Variants in SEPHS1 observed in about 807,000 individuals in gnomAD.
The protein encoded by SEPHS1 is selenophosphate synthetase 1.
In SEPHS1, 7 loss-of-function variants were observed where a neutral mutation model predicts 39.2. The observed-to-expected ratio is 0.18, with a 90% CI of 0.10 to 0.34. SEPHS1 has a LOEUF of 0.34. Among genes scored for constraint, SEPHS1 ranks in the 10% least tolerant of loss-of-function variants. The pLI is 1.00. For synonymous variants in SEPHS1, 190 were observed against 195.5 expected, an observed-to-expected ratio of 0.97 and a Z score of 0.23; for missense variants, 253 against 514.5, an observed-to-expected ratio of 0.49 and a Z score of 4.92.
At position 13,335,496 on chromosome 10, in the gene SEPHS1, T is replaced by G. The variant is rs558832053; in HGVS notation, c.405+747A>C. 1.3e-3 allele frequency among the ~76,000 whole-genome samples: 191 copies of G among 151,788 alleles called. 2 individuals carry two copies. Among genetic ancestry groups the G allele is most frequent in the Middle Eastern group, 6.8e-3 (2 of 294 alleles). ...CTGACCAACATGGTGAAACCCCATC[T>G]CTACTGAAAATATAAAAATTAGCTG... is the stretch of plus-strand genomic sequence containing the variant. On this transcript the variant is annotated intron_variant, in intron 4 of 8. Coordinates refer to ENST00000327347, the MANE Select transcript of SEPHS1 (RefSeq NM_012247.5).
chr10:13,341,137 C>T (rs1215351556), intron 2 of SEPHS1, among the ~76,000 whole-genome samples: 2 of 152,000 alleles, frequency 1.3e-5, no homozygotes, highest in Non-Finnish European at 2.9e-5. Context: ...CAGCACTGGT[C>T]TACAGTGATT....
In SEPHS1 at chr10:13,323,053, A is replaced by G; in HGVS notation, c.752-6T>C. 1 of 1,612,890 alleles carries G rather than the reference A, an allele frequency of 6.2e-7. No homozygotes were observed. The highest frequency in any genetic ancestry group is 8.5e-7 in the Non-Finnish European group (1 of 1,179,416). On this transcript the variant is annotated splice_polypyrimidine_tract_variant and splice_region_variant and intron_variant, in intron 7 of 8. Coordinates refer to ENST00000327347, the MANE Select transcript of SEPHS1 (RefSeq NM_012247.5). Reference sequence around the variant, plus strand: ...CGTGTGCATGAGTCCTGCAGCTGGGAGAGAGAGGGGGCGGCTCTGAGAAAA... The same window carrying G: ...CGTGTGCATGAGTCCTGCAGCTGGGGGAGAGAGGGGGCGGCTCTGAGAAAA...
chr10:13,338,602 G>T, intron 3 of SEPHS1, 103 bp downstream of exon 3: 1 of 900,756 alleles, frequency 1.1e-6, no homozygotes, highest in Non-Finnish European at 1.8e-6. Flanking sequence ...GGATATAACA[G>T]AAATAAAACC....
chr10:13,333,552 T>C (rs1216168766), intron 5 of SEPHS1, among the ~76,000 whole-genome samples: 1 of 152,062 alleles, frequency 6.6e-6, no homozygotes, highest in Non-Finnish European at 1.5e-5. Flanking sequence ...GCGATTCTCC[T>C]GCCTCAGCCT....
chr10:13,323,875 G>A (rs2131689434), intron 7 of SEPHS1, among the ~76,000 whole-genome samples: 1 of 152,116 alleles, frequency 6.6e-6, no homozygotes, highest in South Asian at 2.1e-4. Flanking sequence ...GGGATCACAA[G>A]TGTGAGCCAC....
At chr10:13,323,178 A>G in intron 7 of SEPHS1, 131 bp from the exon 8 acceptor site, 1 of 739,426 alleles carries the variant, frequency 1.4e-6, no homozygotes, top group Admixed American at 2.5e-5. Context: ...AACGCAATGT[A>G]AAATCAACCA....
intron 1 of SEPHS1, among the ~76,000 whole-genome samples, chr10:13,347,651 C>A (rs867932376): frequency 6.8e-6 from 1 of 147,010 alleles, no homozygotes; most frequent in Non-Finnish European, 1.5e-5. Flanking sequence ...CGGCCGCTCC[C>A]GCCGCGCGCA....
intron 3 of SEPHS1, among the ~76,000 whole-genome samples, chr10:13,337,634 G>A (rs1018095432): frequency 2.0e-5 from 3 of 152,086 alleles, no homozygotes; most frequent in Admixed American, 1.3e-4. Flanking sequence ...TCTACAACTC[G>A]CACAAGCCAA....
intron 2 of SEPHS1, 30 bp downstream of exon 2, chr10:13,344,728 A>C: frequency 7.0e-7 from 1 of 1,423,810 alleles, no homozygotes; most frequent in Non-Finnish European, 9.3e-7. Context: ...ATTGGATCGC[A>C]GACCATCAAA....
Position 13,336,142 on chromosome 10 carries a change from C to T in SEPHS1, c.405+101G>A, listed in dbSNP as rs115056834. ...GAAGGAGTGCAGGGAGCCATATGGC[C>T]TGGGCTCCTCGCTTTCTAGATGGGA... On this transcript the variant is annotated intron_variant, in intron 4 of 8. Transcript: ENST00000327347. 877 of 744,830 alleles carry T rather than the reference C, an allele frequency of 1.2e-3. 9 individuals are homozygous for T. In the African/African-American group the frequency reaches 0.013, roughly 11 times the overall value. The allele number at this position is 744,830 out of a possible 1,614,324, so 46.1% of individuals were successfully genotyped here.
chr10:13,323,798 G>C (rs930294825), intron 7 of SEPHS1, among the ~76,000 whole-genome samples: 1 of 150,344 alleles, frequency 6.7e-6, no homozygotes, highest in Non-Finnish European at 1.5e-5. Context: ...CTGGAGTGCA[G>C]TGGCATGATC....
intron 7 of SEPHS1, among the ~76,000 whole-genome samples, chr10:13,326,473 C>CA (rs34250326): frequency 0.051 from 6,755 of 131,218 alleles, 188 homozygotes; most frequent in Middle Eastern, 0.075. Flanking sequence ...AACTCCATCT[C>CA]AAAAAAAAAA....
In SEPHS1 at chr10:13,345,021, G is replaced by C; in HGVS notation, c.-71C>G. 7.6e-7 allele frequency: 1 copy of C among 1,317,274 alleles called. No individual in the cohort carries two copies. The highest frequency in any genetic ancestry group is 1.0e-6 in the Non-Finnish European group (1 of 1,000,756). The allele number at this position is 1,317,274 out of a possible 1,614,324, so 81.6% of individuals were successfully genotyped here. On this transcript the variant is annotated 5_prime_UTR_variant, in exon 2 of 9. Transcript: ENST00000327347. ...TCTGCGGGTTGGCTGGGTTCTTTAT[G>C]GATCCACCTGGGTGTCACCAAAACA...
chr10:13,321,768 G>C (rs1404860893), intron 8 of SEPHS1, among the ~76,000 whole-genome samples: 1 of 152,250 alleles, frequency 6.6e-6, no homozygotes, highest in Non-Finnish European at 1.5e-5. Flanking sequence ...GAGCGATGGC[G>C]AGCCTGTAGG....
chr10:13,338,418 C>T (rs758009816), intron 3 of SEPHS1, among the ~76,000 whole-genome samples: 4 of 152,158 alleles, frequency 2.6e-5, no homozygotes, highest in African/African-American at 4.8e-5. Flanking sequence ...AGGCCATTGA[C>T]ATGCTACTAA....
intron 8 of SEPHS1, among the ~76,000 whole-genome samples, 184 bp from the exon 9 acceptor site, chr10:13,319,540 G>C (rs559029297): frequency 9.7e-4 from 147 of 152,310 alleles, no homozygotes; most frequent in Non-Finnish European, 1.9e-3. Context: ...CCAAGCTGGA[G>C]TGCAGTGGTA....
chr10:13,339,148 T>C (rs964236680), intron 2 of SEPHS1, among the ~76,000 whole-genome samples: 3 of 152,248 alleles, frequency 2.0e-5, no homozygotes, highest in African/African-American at 7.2e-5. Flanking sequence ...CCGTATACAA[T>C]TTCTTTGAAG....
At chr10:13,334,550 A>C (rs552824388) in intron 4 of SEPHS1, among the ~76,000 whole-genome samples, 24 of 151,620 alleles carry the variant, frequency 1.6e-4, no homozygotes, top group South Asian at 6.3e-4. Flanking sequence ...TCAAAAACAA[A>C]AAAAAAAAAT....
Position 13,338,597 on chromosome 10 carries a change from T to C in SEPHS1, c.297+108A>G, listed in dbSNP as rs1175725615. 9.7e-6 allele frequency: 8 copies of C among 826,650 alleles called. No individual in the cohort carries two copies. In the East Asian group the frequency reaches 2.0e-4, roughly 20 times the overall value. The allele number at this position is 826,650 out of a possible 1,614,324, so 51.2% of individuals were successfully genotyped here. A position where few individuals can be genotyped will look rare whatever the true frequency, so the allele number is the denominator to read the frequency against. Reference sequence around the variant, plus strand: ...AGGGTGGGGCAGTATAGTCGGGATATAACAGAAATAAAACCAAAACCCCAC... The same window carrying C: ...AGGGTGGGGCAGTATAGTCGGGATACAACAGAAATAAAACCAAAACCCCAC... On this transcript the variant is annotated intron_variant, in intron 3 of 8. Transcript: ENST00000327347.
Sources: gnomAD v4.1 joint callset for allele counts (sites outside exome capture counted in the v4.1 genomes callset) on GRCh38, gnomAD v4.1.1 for gene constraint, MANE v1.5 for transcripts, NCBI Gene and HGNC (gene_info 2026-07-23, HGNC 2026-07-21) for gene names.